LRRC4C: variants seen among roughly 807,000 people sequenced by gnomAD.
LRRC4C encodes leucine-rich repeat-containing protein 4C.
In LRRC4C, 5 loss-of-function variants were observed where a neutral mutation model predicts 33.6. The observed-to-expected ratio is 0.15, with a 90% CI of 0.08 to 0.31. The LOEUF is 0.31. LRRC4C is among the 10% of genes least tolerant of loss of function. LRRC4C has a pLI of 1.00. For synonymous variants in LRRC4C, 329 were observed against 302.0 expected (o/e 1.09, Z -0.93); for missense variants, 560 against 796.7 (o/e 0.70, Z 3.58).
At chr11:40,641,685 A>G (rs1942130531) in intron 3 of LRRC4C, among the ~76,000 whole-genome samples, 1 of 152,136 alleles carries the variant, frequency 6.6e-6, no homozygotes, top group Non-Finnish European at 1.5e-5. Flanking sequence ...TGCATTAAAC[A>G]TGGCTTACTT....
chr11:41,267,041 C>G (rs1949173539), intron 1 of LRRC4C, among the ~76,000 whole-genome samples: 2 of 152,060 alleles, frequency 1.3e-5, no homozygotes, highest in African/African-American at 4.8e-5. Context: ...CTGGGCTAGA[C>G]CTAAAATTCC....
intron 3 of LRRC4C, among the ~76,000 whole-genome samples, chr11:40,339,205 T>C: frequency 6.6e-6 from 1 of 152,214 alleles, no homozygotes; most frequent in East Asian, 1.9e-4. Context: ...GCAAATTCTT[T>C]GTACCCAGGA....
chr11:40,261,763 T>C (rs563867926), intron 4 of LRRC4C, among the ~76,000 whole-genome samples: 3 of 152,244 alleles, frequency 2.0e-5, no homozygotes, highest in African/African-American at 7.2e-5. Flanking sequence ...TAATAAATGG[T>C]GTTGGGAGAA....
At chr11:40,887,021 C>T (rs1047660889) in intron 2 of LRRC4C, among the ~76,000 whole-genome samples, 19 of 146,360 alleles carry the variant, frequency 1.3e-4, no homozygotes, top group East Asian at 6.0e-4. Flanking sequence ...CACACACATA[C>T]GAGAAAATAT....
At chr11:41,382,918 C>A (rs1172135012) in intron 1 of LRRC4C, among the ~76,000 whole-genome samples, 3 of 152,058 alleles carry the variant, frequency 2.0e-5, no homozygotes, top group African/African-American at 7.2e-5. Flanking sequence ...CATACATATT[C>A]AGCAGATTTG....
chr11:41,074,488 T>C (rs934138542), intron 1 of LRRC4C, among the ~76,000 whole-genome samples: 3 of 152,232 alleles, frequency 2.0e-5, no homozygotes, highest in African/African-American at 7.2e-5. Context: ...GCAAGCCCTG[T>C]TTCACTTTTG....
intron 2 of LRRC4C, among the ~76,000 whole-genome samples, chr11:40,779,745 A>G (rs1408193419): frequency 6.6e-6 from 1 of 152,180 alleles, no homozygotes; most frequent in African/African-American, 2.4e-5. Context: ...GCTGGTCTCT[A>G]GTAGAATAAG....
At chr11:40,314,840 TA>T (rs1385156641) in intron 4 of LRRC4C, among the ~76,000 whole-genome samples, 1 of 151,688 alleles carries the variant, frequency 6.6e-6, no homozygotes, top group Non-Finnish European at 1.5e-5. Flanking sequence ...ATGTAGAAGC[TA>T]AAAAAAAGTT....
At chr11:40,901,536 G>T (rs1477276743) in intron 2 of LRRC4C, among the ~76,000 whole-genome samples, 1 of 152,064 alleles carries the variant, frequency 6.6e-6, no homozygotes, top group African/African-American at 2.4e-5. Flanking sequence ...AAGGTTTAGA[G>T]TTGCAGTGTA....
intron 1 of LRRC4C, among the ~76,000 whole-genome samples, chr11:41,296,421 C>T (rs1591186737): frequency 6.6e-6 from 1 of 151,822 alleles, no homozygotes; most frequent in African/African-American, 2.4e-5. Flanking sequence ...TTCAAGTGAT[C>T]CTCCTGCCTC....
chr11:41,033,179 T>G (rs985200138), intron 1 of LRRC4C, among the ~76,000 whole-genome samples: 1 of 151,844 alleles, frequency 6.6e-6, no homozygotes, highest in Non-Finnish European at 1.5e-5. Context: ...AGGGGAATAT[T>G]GAGGAAAAAA....
chr11:41,046,448 C>T (rs1186258742), intron 1 of LRRC4C, among the ~76,000 whole-genome samples: 1 of 152,104 alleles, frequency 6.6e-6, no homozygotes, highest in Non-Finnish European at 1.5e-5. Context: ...GTGGCCAACT[C>T]TACTGATATC....
At position 40,308,024 on chromosome 11, in the gene LRRC4C, C is replaced by T. The variant is rs11035772; in HGVS notation, c.-176+11604G>A. Among the ~76,000 whole-genome samples, 265 of 152,234 alleles carry T rather than the reference C, an allele frequency of 1.7e-3. 1 individual carries two copies. Among genetic ancestry groups the T allele is most frequent in the African/African-American group, 6.1e-3 (254 of 41,544 alleles). The stretch of plus-strand genomic sequence containing the variant: ...CCTACTGATGGAATTTGTATTATTT[C>T]GCTAGAAACAGAATTTATCAAATAA... On this transcript the variant is annotated intron_variant, in intron 4 of 6. Transcript: ENST00000528697.
intron 1 of LRRC4C, among the ~76,000 whole-genome samples, chr11:41,261,216 C>T (rs1353040115): frequency 2.6e-5 from 4 of 152,068 alleles, no homozygotes; most frequent in Non-Finnish European, 4.4e-5. Context: ...TCACCTTTTC[C>T]ACCGCAGCAA....
chr11:40,915,166 G>T (rs1269057091), intron 2 of LRRC4C, among the ~76,000 whole-genome samples: 1 of 152,038 alleles, frequency 6.6e-6, no homozygotes, highest in Non-Finnish European at 1.5e-5. Flanking sequence ...AGCTACCAAT[G>T]ACTTTCTTCA....
At chr11:40,220,064 G>A (rs1864290686) in intron 5 of LRRC4C, among the ~76,000 whole-genome samples, 1 of 152,102 alleles carries the variant, frequency 6.6e-6, no homozygotes, top group Admixed American at 6.6e-5. Flanking sequence ...GAAAGCAGTT[G>A]CATCACTTCA....
At chr11:40,322,516 G>T (rs1945902223) in intron 3 of LRRC4C, among the ~76,000 whole-genome samples, 1 of 152,146 alleles carries the variant, frequency 6.6e-6, no homozygotes, top group Non-Finnish European at 1.5e-5. Context: ...AAACTGCAAG[G>T]ATTACAGGTG....
At chr11:40,198,412 C>A (rs930697381) in intron 5 of LRRC4C, among the ~76,000 whole-genome samples, 1 of 152,160 alleles carries the variant, frequency 6.6e-6, no homozygotes, top group Non-Finnish European at 1.5e-5. Context: ...TTTCCCTCCT[C>A]GATTAACAAT....
chr11:40,372,104 A>C (rs76428335), intron 3 of LRRC4C, among the ~76,000 whole-genome samples: 6,555 of 152,272 alleles, frequency 0.043, 458 homozygotes, highest in African/African-American at 0.15. Flanking sequence ...GCCTGGACTA[A>C]GTAAAAATAT....
Sources: gnomAD v4.1 joint callset for allele counts (sites outside exome capture counted in the v4.1 genomes callset) on GRCh38, gnomAD v4.1.1 for gene constraint, MANE v1.5 for transcripts, NCBI Gene and HGNC (gene_info 2026-07-23, HGNC 2026-07-21) for gene names.